Variants in FAM118A observed in about 807,000 individuals in gnomAD.
The protein encoded by FAM118A is SIR2 antiphage like 2.
FAM118A carries 25 observed loss-of-function variants against 38.2 expected under a neutral mutation model. The observed-to-expected ratio is 0.65, with a 90% confidence interval of 0.48 to 0.91. The LOEUF (loss-of-function observed/expected upper bound fraction) is 0.91, where lower values mean the gene tolerates loss of function less well. Ranked by LOEUF, FAM118A falls within the 40% of genes least tolerant of loss-of-function variation. FAM118A has a pLI of 0.00. For synonymous variants in FAM118A, 178 were observed against 184.1 expected, an observed-to-expected ratio of 0.97 and a Z score of 0.27; for missense variants, 425 against 463.3, an observed-to-expected ratio of 0.92 and a Z score of 0.76.
rs749549004 is a variant in FAM118A, at chr22:45,327,943, C to T, written c.402C>T (p.Ile134=). ...HIRSPVVLQS[I]LSLMDRGAMV... is the part of the protein sequence containing the mutation. ...GGAGTCCTGTGGTGCTGCAGTCGAT[C>T]CTCAGCCTGATGGACAGGGGCGCCA... The change falls in exon 4 of 9, where the codon ATC becomes ATT. Residue 134 remains isoleucine (I), a synonymous_variant. Transcript: ENST00000441876. 3.1e-6 allele frequency: 5 copies of T among 1,614,208 alleles called. No individual in the cohort carries two copies. The highest frequency in any genetic ancestry group is 4.2e-6 in the Non-Finnish European group (5 of 1,180,032).
At chr22:45,335,456 A>C (rs2086020154) in intron 7 of FAM118A, 74 bp downstream of exon 7, 1 of 1,538,090 alleles carries the variant, frequency 6.5e-7, no homozygotes, top group African/African-American at 1.4e-5. Context: ...CTAACTGTAA[A>C]ATCATAAACG....
intron 4 of FAM118A, chr22:45,328,426 G>T (rs956535450): frequency 9.7e-7 from 1 of 1,027,844 alleles, no homozygotes; most frequent in African/African-American, 1.4e-5. Flanking sequence ...CTGCAGGTGT[G>T]GGGAGTTCTG....
intron 4 of FAM118A, chr22:45,328,617 T>C: frequency 1.7e-6 from 1 of 585,232 alleles, no homozygotes; most frequent in Non-Finnish European, 3.0e-6. Flanking sequence ...GGTGACAGAG[T>C]AAGACCCTTT....
At chr22:45,316,777 G>A (rs1044590759) in intron 1 of FAM118A, among the ~76,000 whole-genome samples, 1 of 152,156 alleles carries the variant, frequency 6.6e-6, no homozygotes, top group Non-Finnish European at 1.5e-5. Context: ...CTGTGTTGCC[G>A]GGCTTTGCTC....
chr22:45,332,411 T>C lies in FAM118A; in HGVS notation c.652-14T>C, dbSNP rs373521349. 44 of 1,602,354 alleles carry C rather than the reference T, an allele frequency of 2.7e-5. No homozygotes were observed. The Admixed American group carries it at 3.6e-4, about 13-fold the overall frequency. ...TTCAAATGAGCACTCAATTTCTTCATTGGCCTTTTCTAGGAAGTCCTCCAG... is the reference window on the plus strand; with the variant it reads ...TTCAAATGAGCACTCAATTTCTTCACTGGCCTTTTCTAGGAAGTCCTCCAG... On this transcript the variant is annotated splice_polypyrimidine_tract_variant and intron_variant, in intron 5 of 8. Transcript: ENST00000441876.
chr22:45,318,760 T>C (rs2084719162), intron 1 of FAM118A: 1 of 152,252 alleles, frequency 6.6e-6, no homozygotes, highest in Non-Finnish European at 1.5e-5. Flanking sequence ...ACTTTCCGTG[T>C]TGGCTCCTTT....
intron 1 of FAM118A, among the ~76,000 whole-genome samples, chr22:45,313,887 A>G (rs1365687632): frequency 6.6e-6 from 1 of 152,240 alleles, no homozygotes; most frequent in Non-Finnish European, 1.5e-5. Flanking sequence ...TTTTAATTAA[A>G]TCTAGGAAGG....
chr22:45,328,475 C>T lies in FAM118A; in HGVS notation c.522+412C>T, dbSNP rs577324344. ...GCTCTCACTTTGTAGCAGTGAATTA[C>T]TAATAAAGTAGCCAGGCATGGTGGC... On this transcript the variant is annotated intron_variant, in intron 4 of 8. Coordinates refer to ENST00000441876, the MANE Select transcript of FAM118A (RefSeq NM_017911.4). 10 of 857,452 alleles carry T rather than the reference C, an allele frequency of 1.2e-5. No homozygotes were observed. The East Asian group carries it at 2.4e-4, about 20-fold the overall frequency. The allele number at this position is 857,452 out of a possible 1,614,324, so 53.1% of individuals were successfully genotyped here.
chr22:45,324,767 AG>A (rs943829165), intron 3 of FAM118A, among the ~76,000 whole-genome samples: 32 of 152,272 alleles, frequency 2.1e-4, no homozygotes, highest in African/African-American at 7.5e-4. Flanking sequence ...TCTCTGAGGC[AG>A]GGGCGCGGTG....
chr22:45,339,447 T>TG (rs1421336197), intron 8 of FAM118A, among the ~76,000 whole-genome samples: 6 of 150,344 alleles, frequency 4.0e-5, no homozygotes, highest in Admixed American at 4.0e-4. Flanking sequence ...CAAATGCACT[T>TG]GGGGGCACAC....
rs2085803542 is a variant in FAM118A at position 45,332,644 on chromosome 22, T to G, written c.871T>G (p.Cys291Gly). ...AATCAAAGTTGTATCCTACGGGGAC[T>G]GTTTTGACCACTTTCCAGGATATGT... ...HGIKVVSYGD[C>G]FDHFPGYVQD... Residue 291 changes from cysteine (C) to glycine (G), a missense_variant, in exon 6 of 9, where the codon TGT becomes GGT. Cys to Gly is a radical substitution (Grantham distance 159). Transcript: ENST00000441876. 1 of 1,614,098 alleles carries G rather than the reference T, an allele frequency of 6.2e-7. No homozygotes were observed. Among genetic ancestry groups the G allele is most frequent in the Admixed American group, 1.7e-5 (1 of 60,008 alleles).
In FAM118A at chr22:45,322,169, A is replaced by T. The variant is rs549485791; in HGVS notation, c.-9-202A>T. The T allele has an allele frequency of 3.3e-6, 5 of 1,503,420 alleles. No individual in the cohort carries two copies. In the African/African-American group the frequency reaches 5.6e-5, roughly 17 times the overall value. The allele number at this position is 1,503,420 out of a possible 1,614,324, so 93.1% of individuals were successfully genotyped here. A position where few individuals can be genotyped will look rare whatever the true frequency, so the allele number is the denominator to read the frequency against. ...GAACAGCGAGAGTCCAACCAGCCTG[A>T]TGAGTCTCATGAGATGAGGAATGGT... On this transcript the variant is annotated intron_variant, in intron 1 of 8. Transcript: ENST00000441876.
intron 1 of FAM118A, among the ~76,000 whole-genome samples, chr22:45,315,106 A>T (rs187056143): frequency 1.6e-3 from 247 of 152,342 alleles, no homozygotes; most frequent in Admixed American, 3.5e-3. Context: ...TTGCTCTTTG[A>T]ATTAATTTGT....
At chr22:45,324,172 G>C (rs1027078735) in intron 3 of FAM118A, among the ~76,000 whole-genome samples, 1 of 152,252 alleles carries the variant, frequency 6.6e-6, no homozygotes, top group Non-Finnish European at 1.5e-5. Flanking sequence ...TCACCAAGGA[G>C]AGTGGGAGAG....
chr22:45,326,100 C>G (rs1056197575), intron 3 of FAM118A, among the ~76,000 whole-genome samples: 1 of 152,126 alleles, frequency 6.6e-6, no homozygotes, highest in Non-Finnish European at 1.5e-5. Flanking sequence ...TATTTTGATA[C>G]CCAGGTGCCG....
chr22:45,323,160 C>T lies in FAM118A; in HGVS notation c.48-15C>T. 6.2e-7 allele frequency: 1 copy of T among 1,607,560 alleles called. No homozygotes were observed. The highest frequency in any genetic ancestry group is 8.5e-7 in the Non-Finnish European group (1 of 1,174,992). On this transcript the variant is annotated splice_polypyrimidine_tract_variant and intron_variant, in intron 2 of 8. Transcript: ENST00000441876. The stretch of plus-strand genomic sequence containing the variant: ...GCTTTGACTTTCATTCTCTTGCTCC[C>T]TTCTTTTCAAGTAGAAAGTTTTTAA...
At chr22:45,314,959 C>A (rs1008111076) in intron 1 of FAM118A, among the ~76,000 whole-genome samples, 1 of 152,204 alleles carries the variant, frequency 6.6e-6, no homozygotes, top group African/African-American at 2.4e-5. Flanking sequence ...GGTTCACTAT[C>A]GGCCTTGGCC....
At chr22:45,325,768 G>A (rs2085216661) in intron 3 of FAM118A, among the ~76,000 whole-genome samples, 1 of 152,164 alleles carries the variant, frequency 6.6e-6, no homozygotes, top group South Asian at 2.1e-4. Flanking sequence ...AATCATCCAA[G>A]CGGACATGAG....
intron 6 of FAM118A, among the ~76,000 whole-genome samples, chr22:45,333,822 G>A (rs998694088): frequency 1.2e-4 from 18 of 152,204 alleles, no homozygotes; most frequent in African/African-American, 3.1e-4. Context: ...TCTGGACGTC[G>A]GAGGAAGACC....
Sources: gnomAD v4.1 joint callset for allele counts (sites outside exome capture counted in the v4.1 genomes callset) on GRCh38, gnomAD v4.1.1 for gene constraint, MANE v1.5 for transcripts, NCBI Gene and HGNC (gene_info 2026-07-23, HGNC 2026-07-21) for gene names.